Variants in FRMD6 observed in about 807,000 individuals in gnomAD.
FRMD6 encodes FERM domain-containing protein 6.
FRMD6 carries 37 observed loss-of-function variants against 73.2 expected under a neutral mutation model. The observed-to-expected ratio is 0.51, with a 90% CI of 0.39 to 0.66. FRMD6 has a LOEUF of 0.66. Ranked by LOEUF, FRMD6 falls within the 30% of genes least tolerant of loss-of-function variation. The pLI, the probability that FRMD6 is intolerant of heterozygous loss-of-function variation, is 0.00. For synonymous variants in FRMD6, 273 were observed against 282.2 expected (o/e 0.97, Z 0.33); for missense variants, 714 against 780.5 (o/e 0.91, Z 1.02).
chr14:51,692,448 T>C (rs1280913897), intron 2 of FRMD6, among the ~76,000 whole-genome samples: 1 of 147,890 alleles, frequency 6.8e-6, no homozygotes, highest in African/African-American at 2.5e-5. Flanking sequence ...TCTCTCACTT[T>C]CATTTGTCTT....
chr14:51,647,812 TTTA>T (rs1245009384), upstream of FRMD6, among the ~76,000 whole-genome samples: 2 of 152,004 alleles, frequency 1.3e-5, no homozygotes, highest in Admixed American at 6.6e-5. Flanking sequence ...ATAGCCCTGA[TTTA>T]TTATTATTAT....
the FRMD6 span, among the ~76,000 whole-genome samples, chr14:51,471,345 C>CA: frequency 0.039 from 5,910 of 151,778 alleles, 251 homozygotes; most frequent in Admixed American, 0.14. Context: ...ACAACAACAA[C>CA]AAAAAATTAG....
At chr14:51,503,681 G>GT (rs111966123) in intron 1 of FRMD6, among the ~76,000 whole-genome samples, 186 of 140,946 alleles carry the variant, frequency 1.3e-3, no homozygotes, top group Admixed American at 1.9e-3. Context: ...GAAGTTTTTT[G>GT]TTTTTTTTTT....
At chr14:51,480,994 A>G in the FRMD6 span, among the ~76,000 whole-genome samples, 4 of 152,246 alleles carry the variant, frequency 2.6e-5, no homozygotes, top group East Asian at 7.7e-4. Context: ...GTCAAAGGGA[A>G]TTCCTGTGAA....
In FRMD6 at chr14:51,574,536, G is replaced by A. The variant is rs1888305005; in HGVS notation, c.-147+4126G>A. ...TGCAACAACATGGACAGAACCTGAG[G>A]ACATTATGTTACATAAAACAAGCCA... On this transcript the variant is annotated intron_variant, in intron 2 of 14. Coordinates refer to the FRMD6 transcript ENST00000356218. 2.0e-5 allele frequency among the ~76,000 whole-genome samples: 3 copies of A among 152,244 alleles called. No homozygotes were observed. The South Asian group carries it at 6.2e-4, about 32-fold the overall frequency.
At chr14:51,549,601 T>C (rs1232592033) in intron 1 of FRMD6, among the ~76,000 whole-genome samples, 3 of 129,778 alleles carry the variant, frequency 2.3e-5, no homozygotes, top group Non-Finnish European at 5.0e-5. Context: ...CTTTCTTTTT[T>C]TTTTTTTTTT....
At chr14:51,672,955 T>C (rs961706149) in intron 1 of FRMD6, among the ~76,000 whole-genome samples, 7 of 152,310 alleles carry the variant, frequency 4.6e-5, no homozygotes, top group Admixed American at 4.6e-4. Flanking sequence ...TATTCTAGCA[T>C]GTAAGTAAGT....
chr14:51,708,802 T>TA (rs1896778043), intron 7 of FRMD6, among the ~76,000 whole-genome samples: 2 of 152,168 alleles, frequency 1.3e-5, no homozygotes, highest in Admixed American at 1.3e-4. Flanking sequence ...ATGAATCACC[T>TA]AAGATCACAA....
At chr14:51,495,308 A>G (rs1301355280) in intron 1 of FRMD6, among the ~76,000 whole-genome samples, 1 of 152,232 alleles carries the variant, frequency 6.6e-6, no homozygotes, top group East Asian at 1.9e-4. Flanking sequence ...CCACTTATAT[A>G]TTCTCTAAGA....
chr14:51,696,399 A>G (rs1054019055), intron 2 of FRMD6, among the ~76,000 whole-genome samples: 7 of 150,978 alleles, frequency 4.6e-5, no homozygotes, highest in Non-Finnish European at 7.4e-5. Flanking sequence ...TTGTAATAAT[A>G]ATACAAATAT....
At chr14:51,519,731 G>A (rs912111462) in intron 1 of FRMD6, among the ~76,000 whole-genome samples, 2 of 152,160 alleles carry the variant, frequency 1.3e-5, no homozygotes, top group African/African-American at 4.8e-5. Context: ...CAGTGAAGAA[G>A]ACTTTCTGTG....
intron 2 of FRMD6, among the ~76,000 whole-genome samples, chr14:51,618,475 C>T (rs528301618): frequency 6.6e-5 from 10 of 152,120 alleles, no homozygotes; most frequent in Non-Finnish European, 1.3e-4. Flanking sequence ...ATGGCAGGAG[C>T]GAGACCTGTT....
intron 7 of FRMD6, among the ~76,000 whole-genome samples, chr14:51,711,308 A>G (rs1896932909): frequency 6.6e-6 from 1 of 152,196 alleles, no homozygotes; most frequent in South Asian, 2.1e-4. Flanking sequence ...AATCTCAGGA[A>G]TTTAAAAAGT....
At chr14:51,421,396 A>G in the FRMD6 span, among the ~76,000 whole-genome samples, 3 of 152,230 alleles carry the variant, frequency 2.0e-5, no homozygotes, top group Non-Finnish European at 4.4e-5. Flanking sequence ...CCAAGACTTC[A>G]TTAAGGGTGT....
upstream of FRMD6, among the ~76,000 whole-genome samples, chr14:51,488,579 A>G (rs1327726747): frequency 6.6e-6 from 1 of 152,196 alleles, no homozygotes; most frequent in Non-Finnish European, 1.5e-5. Flanking sequence ...GAGCTTCTAT[A>G]ATGCTTGCCT....
the FRMD6 span, among the ~76,000 whole-genome samples, chr14:51,472,244 T>C: frequency 6.6e-6 from 1 of 152,112 alleles, no homozygotes; most frequent in African/African-American, 2.4e-5. Flanking sequence ...AATTTCAGAA[T>C]GCTGGGTGTT....
the FRMD6 span, among the ~76,000 whole-genome samples, chr14:51,438,991 G>A: frequency 6.6e-6 from 1 of 152,198 alleles, no homozygotes; most frequent in Non-Finnish European, 1.5e-5. Flanking sequence ...ATAAATCTGG[G>A]TGGGGTAATG....
chr14:51,457,479 C>T, the FRMD6 span, among the ~76,000 whole-genome samples: 1 of 152,104 alleles, frequency 6.6e-6, no homozygotes, highest in Non-Finnish European at 1.5e-5. Context: ...CAGGTCCTTG[C>T]TTTGTAATCT....
At chr14:51,501,975 G>A (rs1883646801) in intron 1 of FRMD6, among the ~76,000 whole-genome samples, 1 of 152,208 alleles carries the variant, frequency 6.6e-6, no homozygotes, top group Non-Finnish European at 1.5e-5. Flanking sequence ...CAAATGCTCA[G>A]TGATGTTGAT....
Sources: gnomAD v4.1 joint callset for allele counts (sites outside exome capture counted in the v4.1 genomes callset) on GRCh38, gnomAD v4.1.1 for gene constraint, MANE v1.5 for transcripts, NCBI Gene and HGNC (gene_info 2026-07-23, HGNC 2026-07-21) for gene names.